CSGALNACT2: variants seen among roughly 807,000 people sequenced by gnomAD.
The protein encoded by CSGALNACT2 is chondroitin sulfate N-acetylgalactosaminyltransferase 2.
Under a neutral mutation model 55.3 loss-of-function variants are expected in CSGALNACT2, and 35 were observed. The ratio of observed to expected loss-of-function variants is 0.63; its 90% CI spans 0.48 to 0.84. The LOEUF (loss-of-function observed/expected upper bound fraction) is 0.84. Among genes scored for constraint, CSGALNACT2 ranks in the 40% least tolerant of loss-of-function variants. The pLI is 0.00. For synonymous variants in CSGALNACT2, 196 were observed against 224.9 expected (o/e 0.87, Z 1.15); for missense variants, 544 against 657.5 (o/e 0.83, Z 1.89).
intron 7 of CSGALNACT2, among the ~76,000 whole-genome samples, chr10:43,178,714 GT>G (rs1320253457): frequency 6.7e-6 from 1 of 149,402 alleles, no homozygotes; most frequent in Non-Finnish European, 1.5e-5. Flanking sequence ...ATTTTTTATC[GT>G]TTTTTTCCCT....
intron 1 of CSGALNACT2, among the ~76,000 whole-genome samples, chr10:43,140,367 CT>C (rs998537639): frequency 3.3e-5 from 5 of 151,786 alleles, no homozygotes; most frequent in South Asian, 2.1e-4. Flanking sequence ...ATGGAGTCAT[CT>C]TTTTTTTAAT....
At chr10:43,153,192 G>A (rs1461357327) in intron 1 of CSGALNACT2, among the ~76,000 whole-genome samples, 3 of 151,934 alleles carry the variant, frequency 2.0e-5, no homozygotes, top group South Asian at 2.1e-4. Context: ...AAAATTAGCC[G>A]GGCGTGGTGG....
chr10:43,166,429 C>G (rs916289827), intron 5 of CSGALNACT2, among the ~76,000 whole-genome samples: 1 of 152,176 alleles, frequency 6.6e-6, no homozygotes, highest in South Asian at 2.1e-4. Flanking sequence ...CTTTATGGTC[C>G]TTTTAGATCA....
chr10:43,150,936 T>A (rs146886625), intron 1 of CSGALNACT2, among the ~76,000 whole-genome samples: 94 of 152,306 alleles, frequency 6.2e-4, no homozygotes, highest in Admixed American at 1.1e-3. Flanking sequence ...TTTTGCTACA[T>A]CTCTAGTTTA....
At position 43,183,371 on chromosome 10, in the gene CSGALNACT2, T is replaced by A; in HGVS notation, c.1458T>A (p.His486Gln). 1 of 1,614,100 alleles carries A rather than the reference T, an allele frequency of 6.2e-7. No homozygotes were observed. Among genetic ancestry groups the A allele is most frequent in the South Asian group, 1.1e-5 (1 of 91,076 alleles). The change falls in exon 8 of 8, where the codon CAT becomes CAA. Residue 486 changes from histidine (H) to glutamine (Q), a missense_variant. Around this residue, in one of 2 missense-constraint regions of CSGALNACT2, gnomAD observed 170 missense variants for 256.2 expected, o/e 0.66. Coordinates refer to ENST00000374466, the MANE Select transcript of CSGALNACT2 (RefSeq NM_018590.5). ...TPVPGLFHLWHEKRCADELTP... is the reference protein window; with the variant it reads ...TPVPGLFHLWQEKRCADELTP... ...TTCCTGGTCTTTTCCACCTCTGGCATGAAAAGCGCTGTGCTGATGAGCTGA... is the reference window on the plus strand; with the variant it reads ...TTCCTGGTCTTTTCCACCTCTGGCAAGAAAAGCGCTGTGCTGATGAGCTGA...
intron 1 of CSGALNACT2, among the ~76,000 whole-genome samples, chr10:43,140,558 G>C (rs1208595101): frequency 6.6e-6 from 1 of 152,186 alleles, no homozygotes; most frequent in East Asian, 1.9e-4. Flanking sequence ...TGTTAGACAA[G>C]TCTGTTAGAG....
At chr10:43,163,008 C>T (rs1322087347) in intron 4 of CSGALNACT2, 11 of 985,170 alleles carry the variant, frequency 1.1e-5, no homozygotes, top group Non-Finnish European at 1.1e-5. Context: ...TCCGTTGACC[C>T]TTATCTCACT....
chr10:43,175,164 T>G (rs1269794169), intron 6 of CSGALNACT2, among the ~76,000 whole-genome samples: 1 of 152,196 alleles, frequency 6.6e-6, no homozygotes. Context: ...GGCCATACAG[T>G]TCTGCTGCAA....
chr10:43,175,804 T>C, intron 6 of CSGALNACT2, 147 bp from the exon 7 acceptor site: 1 of 698,918 alleles, frequency 1.4e-6, no homozygotes, highest in Non-Finnish European at 2.4e-6. Flanking sequence ...TGTAAGGATT[T>C]AATAACATAA....
intron 7 of CSGALNACT2, among the ~76,000 whole-genome samples, chr10:43,182,881 AAAAAC>A (rs1839615992): frequency 2.4e-5 from 1 of 41,204 alleles, no homozygotes; most frequent in African/African-American, 1.9e-4. Flanking sequence ...TCTCAAAAAA[AAAAAC>A]AAAAAAAAAA....
At chr10:43,153,572 G>T (rs1177110016) in intron 1 of CSGALNACT2, among the ~76,000 whole-genome samples, 2 of 151,730 alleles carry the variant, frequency 1.3e-5, no homozygotes, top group African/African-American at 4.8e-5. Context: ...TAAAAAAGTG[G>T]CTAGGACTGA....
rs1055643396 is a variant in CSGALNACT2, at chr10:43,183,480, G to A, written c.1567G>A (p.Glu523Lys). The change falls in exon 8 of 8, where the codon GAG becomes AAG. Residue 523 changes from glutamate to lysine, a missense_variant. Physicochemically the swap from Glu to Lys is moderately conservative, Grantham distance 56. This residue lies in a region of CSGALNACT2 where 170 missense variants were observed against 256.2 expected (regional missense o/e 0.66). Coordinates refer to ENST00000374466, the MANE Select transcript of CSGALNACT2 (RefSeq NM_018590.5). ...CCACCTGGGAATGCTGGTCTTCAGGGAGGAAATAGAGACGCATCTTCATAA... is the reference window on the plus strand; with the variant it reads ...CCACCTGGGAATGCTGGTCTTCAGGAAGGAAATAGAGACGCATCTTCATAA... ...HSHLGMLVFR[E>K]EIETHLHKQA... 3 of 1,614,046 alleles carry A rather than the reference G, an allele frequency of 1.9e-6. No individual in the cohort carries two copies. Among genetic ancestry groups the A allele is most frequent in the African/African-American group, 2.7e-5 (2 of 74,928 alleles).
At chr10:43,171,354 CTTTT>C (rs755082076) in intron 6 of CSGALNACT2, among the ~76,000 whole-genome samples, 2 of 142,174 alleles carry the variant, frequency 1.4e-5, no homozygotes, top group Non-Finnish European at 3.1e-5. Flanking sequence ...TGCTAATACT[CTTTT>C]TTTTTTTTTT....
At chr10:43,162,008 G>T (rs1839159454) in intron 4 of CSGALNACT2, among the ~76,000 whole-genome samples, 1 of 152,122 alleles carries the variant, frequency 6.6e-6, no homozygotes, top group Non-Finnish European at 1.5e-5. Flanking sequence ...GCTTGCTTGA[G>T]GAAAATAGGA....
At chr10:43,167,792 G>A (rs76660167) in intron 6 of CSGALNACT2, among the ~76,000 whole-genome samples, 6,661 of 151,972 alleles carry the variant, frequency 0.044, 182 homozygotes, top group South Asian at 0.089. Context: ...GAATCGAGTC[G>A]AGAATACCAA....
chr10:43,147,176 C>T (rs1256232913), intron 1 of CSGALNACT2, among the ~76,000 whole-genome samples: 1 of 151,140 alleles, frequency 6.6e-6, no homozygotes, highest in African/African-American at 2.4e-5. Flanking sequence ...GGGGTTTCAC[C>T]GTTTTAGCCG....
chr10:43,157,624 A>C (rs562392730), intron 2 of CSGALNACT2, among the ~76,000 whole-genome samples: 1 of 152,262 alleles, frequency 6.6e-6, no homozygotes, highest in East Asian at 1.9e-4. Flanking sequence ...TGTAAGCCTC[A>C]GGAGGGTTGG....
rs1588919215 is a variant in CSGALNACT2 at position 43,183,819 on chromosome 10, C to G, written c.*277C>G. ...GTTTTGAGTTAGTTCTACCTGGTGC[C>G]CATGTTCTGATTGTGTGTGGGATTG... On this transcript the variant is annotated 3_prime_UTR_variant, in exon 8 of 8. Coordinates refer to ENST00000374466, the MANE Select transcript of CSGALNACT2 (RefSeq NM_018590.5). The G allele has an allele frequency of 4.7e-6, 2 of 428,900 alleles. No individual in the cohort carries two copies. Among genetic ancestry groups the G allele is most frequent in the East Asian group, 9.3e-5 (2 of 21,448 alleles). The allele number at this position is 428,900 out of a possible 1,614,324, so 26.6% of individuals were successfully genotyped here.
intron 7 of CSGALNACT2, among the ~76,000 whole-genome samples, chr10:43,179,087 C>A (rs961298308): frequency 6.6e-6 from 1 of 151,874 alleles, no homozygotes; most frequent in Non-Finnish European, 1.5e-5. Context: ...TATATAATTT[C>A]TTTATTAATA....
Sources: gnomAD v4.1 joint callset for allele counts (sites outside exome capture counted in the v4.1 genomes callset) on GRCh38, gnomAD v4.1.1 for gene constraint, gnomAD v4.1.1 regional missense constraint, MANE v1.5 for transcripts, NCBI Gene and HGNC (gene_info 2026-07-23, HGNC 2026-07-21) for gene names.